The following ATP13A4 variants were observed in gnomAD, a reference collection of about 807,000 sequenced individuals.
ATP13A4 encodes the protein probable cation-transporting ATPase 13A4.
A neutral mutation model predicts 142.5 loss-of-function variants in ATP13A4; 114 were observed. The observed-to-expected ratio is 0.80, with a 90% CI of 0.69 to 0.93. The LOEUF (loss-of-function observed/expected upper bound fraction) is 0.93. Ranked by LOEUF, ATP13A4 falls within the 40% of genes least tolerant of loss-of-function variation. ATP13A4 has a pLI of 0.00. For synonymous variants in ATP13A4, 488 were observed against 514.8 expected (o/e 0.95, Z 0.70); for missense variants, 1,392 against 1,454.0 (o/e 0.96, Z 0.69).
chr3:193,572,416 T>TTAAAA lies in ATP13A4; in HGVS notation n.291+9290_291+9291insTTTTA, dbSNP rs1724286470. 9.2e-5 allele frequency among the ~76,000 whole-genome samples: 14 copies of TTAAAA among 152,346 alleles called. 1 individual carries two copies. The South Asian group carries it at 1.2e-3, about 14-fold the overall frequency. ...AATTGAGAACTACCTATTTTAAACTTACAGCAGTCTTGCCTTTGTTTATTA... is the reference window on the plus strand; with the variant it reads ...AATTGAGAACTACCTATTTTAAACTTTAAAAACAGCAGTCTTGCCTTTGTTTATTA... On this transcript the variant is annotated intron_variant and non_coding_transcript_variant, in intron 2 of 3. Coordinates refer to the ATP13A4 transcript ENST00000489140.
At chr3:193,463,329 G>C (rs1207436033) in intron 12 of ATP13A4, among the ~76,000 whole-genome samples, 2 of 147,508 alleles carry the variant, frequency 1.4e-5, no homozygotes, top group Admixed American at 1.4e-4. Context: ...TTTCATAGCA[G>C]AAGTTTAAAA....
At position 193,418,551 on chromosome 3, in the gene ATP13A4, C is replaced by G. The variant is rs1431163382; in HGVS notation, c.2843-3801G>C. ...TAGTACTCCACATCCCAGGAAATATCTGGCATCCAACACCCCACTCTCTAG... is the reference window on the plus strand; with the variant it reads ...TAGTACTCCACATCCCAGGAAATATGTGGCATCCAACACCCCACTCTCTAG... On this transcript the variant is annotated intron_variant, in intron 25 of 29. Transcript: ENST00000342695. Among the ~76,000 whole-genome samples, 6 of 149,594 alleles carry G rather than the reference C, an allele frequency of 4.0e-5. 2 individuals are homozygous for G. In the Admixed American group the frequency reaches 4.2e-4, roughly 10 times the overall value.
At chr3:193,443,613 A>G (rs1018808363) in intron 18 of ATP13A4, among the ~76,000 whole-genome samples, 4 of 152,224 alleles carry the variant, frequency 2.6e-5, no homozygotes, top group Admixed American at 2.0e-4. Flanking sequence ...AAAAATCTGG[A>G]AAATCTGGTC....
chr3:193,472,271 A>C (rs1454710751), intron 8 of ATP13A4, among the ~76,000 whole-genome samples: 1 of 152,178 alleles, frequency 6.6e-6, no homozygotes, highest in Non-Finnish European at 1.5e-5. Flanking sequence ...GTAGTGATTA[A>C]ATCTAGGGCT....
chr3:193,440,381 A>AATG, intron 21 of ATP13A4, 177 bp downstream of exon 21: 1 of 1,194,002 alleles, frequency 8.4e-7, no homozygotes. Context: ...AGGATCTCTG[A>AATG]ATGGTGAGAT....
chr3:193,542,230 A>G (rs560412798), intron 1 of ATP13A4, among the ~76,000 whole-genome samples: 4 of 152,336 alleles, frequency 2.6e-5, no homozygotes, highest in African/African-American at 9.6e-5. Flanking sequence ...CAATTGCTAC[A>G]AAGAGAATAA....
chr3:193,527,440 C>T (rs901934831), intron 1 of ATP13A4, among the ~76,000 whole-genome samples: 6 of 152,072 alleles, frequency 3.9e-5, no homozygotes, highest in South Asian at 2.1e-4. Context: ...GGTGAAACCC[C>T]GTCTCTACTA....
At chr3:193,541,775 A>G (rs1416181062) in intron 1 of ATP13A4, among the ~76,000 whole-genome samples, 4 of 152,192 alleles carry the variant, frequency 2.6e-5, no homozygotes, top group African/African-American at 4.8e-5. Flanking sequence ...TAGTATTCCA[A>G]TGGCCACACA....
intron 7 of ATP13A4, among the ~76,000 whole-genome samples, chr3:193,484,699 C>G (rs755939456): frequency 6.6e-6 from 1 of 152,100 alleles, no homozygotes; most frequent in Non-Finnish European, 1.5e-5. Context: ...TTTTGAGTAA[C>G]TCATTCTTTT....
intron 2 of ATP13A4, among the ~76,000 whole-genome samples, chr3:193,576,249 C>CTTTTTTTTTT (rs59910562): frequency 2.2e-4 from 12 of 54,364 alleles, no homozygotes; most frequent in East Asian, 6.2e-4. Flanking sequence ...TTGAATCAAT[C>CTTTTTTTTTT]TTTTTTTTTT....
chr3:193,506,842 T>C (rs1283550635), intron 2 of ATP13A4, among the ~76,000 whole-genome samples: 1 of 152,180 alleles, frequency 6.6e-6, no homozygotes, highest in African/African-American at 2.4e-5. Context: ...CCACCATGAT[T>C]GTAAGTTTCC....
chr3:193,560,946 A>G (rs927190116), intron 2 of ATP13A4, among the ~76,000 whole-genome samples: 11 of 151,324 alleles, frequency 7.3e-5, no homozygotes, highest in Non-Finnish European at 1.5e-4. Flanking sequence ...AAATCCAGAC[A>G]GGAAGCTGGC....
At chr3:193,485,294 AGAGCAGCAGTTACACGTACAGGTG>A (rs1422880538) in intron 7 of ATP13A4, among the ~76,000 whole-genome samples, 35 of 150,668 alleles carry the variant, frequency 2.3e-4, no homozygotes, top group South Asian at 1.5e-3. Context: ...ACGTACAGGT[AGAGCAGCAGTTACACGTACAGGTG>A]GAGCAGCAGT....
intron 1 of ATP13A4, among the ~76,000 whole-genome samples, chr3:193,585,521 T>C (rs369432708): frequency 1.3e-5 from 2 of 152,144 alleles, no homozygotes; most frequent in Non-Finnish European, 2.9e-5. Flanking sequence ...CAGCTATTGT[T>C]AGTTTATTTT....
Position 193,412,203 on chromosome 3 carries a change from T to C in ATP13A4, c.3183A>G (p.Pro1061=), listed in dbSNP as rs1714804889. The C allele has an allele frequency of 6.2e-6, 10 of 1,611,498 alleles. No individual in the cohort carries two copies. Among genetic ancestry groups the C allele is most frequent in the Middle Eastern group, 1.6e-4 (1 of 6,082 alleles). ...AGTTTGTATAAGTTGGCTGTCTAAA[T>C]GGTTTTCCTTTAGAGAACACAAGAG... is the stretch of plus-strand genomic sequence containing the variant. ...TVALVFSKGK[P]FRQPTYTNYI... is the part of the protein sequence containing the mutation. The change falls in exon 27 of 30, where the codon CCA becomes CCG. Residue 1061 remains proline, a synonymous_variant. Coordinates refer to ENST00000342695, the MANE Select transcript of ATP13A4 (RefSeq NM_032279.4).
chr3:193,571,828 C>G lies in ATP13A4; in HGVS notation n.291+9879G>C, dbSNP rs118149172. 1.8e-3 allele frequency among the ~76,000 whole-genome samples: 277 copies of G among 151,898 alleles called. 7 individuals are homozygous for G. The East Asian group carries it at 0.043, about 24-fold the overall frequency. ...TGGTATCTTGAATGGAATCCTGGTA[C>G]ATGAAAAGGACATTAGGCCTGTGAA... On this transcript the variant is annotated intron_variant and non_coding_transcript_variant, in intron 2 of 3. Coordinates refer to the ATP13A4 transcript ENST00000489140.
Position 193,426,881 on chromosome 3 carries a change from C to A in ATP13A4, c.2842+6964G>T, listed in dbSNP as rs140814718. ...ATGACCTAAATGTAAGAGTTAACAA[C>A]ATAAAATACTTAGAAGAAACTTAGG... On this transcript the variant is annotated intron_variant, in intron 25 of 29. Transcript: ENST00000342695. Among the ~76,000 whole-genome samples the A allele has an allele frequency of 8.3e-3, 1,262 of 151,974 alleles. 20 individuals are homozygous for A. Among genetic ancestry groups the A allele is most frequent in the African/African-American group, 0.029 (1,193 of 41,514 alleles).
chr3:193,399,603 C>A lies in ATP13A4; in HGVS notation c.*3049G>T, dbSNP rs2108596120. ...GTGGCTCATGTCTGTAATCCCGGCACTTTGGGAGGCCGAGGCGGGCGGATC... is the reference window on the plus strand; with the variant it reads ...GTGGCTCATGTCTGTAATCCCGGCAATTTGGGAGGCCGAGGCGGGCGGATC... On this transcript the variant is annotated 3_prime_UTR_variant, in exon 30 of 30. Transcript: ENST00000342695. Among the ~76,000 whole-genome samples the A allele has an allele frequency of 6.6e-6, 1 of 152,196 alleles. No homozygotes were observed. The highest frequency in any genetic ancestry group is 1.5e-5 in the Non-Finnish European group (1 of 68,006).
chr3:193,547,101 T>C (rs1171436664), intron 1 of ATP13A4, among the ~76,000 whole-genome samples: 2 of 152,244 alleles, frequency 1.3e-5, no homozygotes, highest in Admixed American at 1.3e-4. Flanking sequence ...TCTTTCTTAC[T>C]TCCCAGTCTT....
Sources: gnomAD v4.1 joint callset for allele counts (sites outside exome capture counted in the v4.1 genomes callset) on GRCh38, gnomAD v4.1.1 for gene constraint, MANE v1.5 for transcripts, NCBI Gene and HGNC (gene_info 2026-07-23, HGNC 2026-07-21) for gene names.